SIPA1L1: variants seen among roughly 807,000 people sequenced by gnomAD.
SIPA1L1 encodes the protein signal induced proliferation associated 1 like 1.
In SIPA1L1, 26 loss-of-function variants were observed where a neutral mutation model predicts 162.7. The observed-to-expected ratio is 0.16, with a 90% CI of 0.12 to 0.22. The LOEUF (loss-of-function observed/expected upper bound fraction) is 0.22, where lower values mean the gene tolerates loss of function less well. SIPA1L1 is among the 10% of genes least tolerant of loss of function. SIPA1L1 has a pLI of 1.00. For missense variants in SIPA1L1, 1,874 were observed against 2,241.0 expected, an observed-to-expected ratio of 0.84 and a Z score of 3.31; for synonymous variants, 829 against 837.4, an observed-to-expected ratio of 0.99 and a Z score of 0.17.
At chr14:71,463,418 T>G (rs1483278662) in intron 2 of SIPA1L1, among the ~76,000 whole-genome samples, 1 of 152,174 alleles carries the variant, frequency 6.6e-6, no homozygotes, top group Non-Finnish European at 1.5e-5. Context: ...CTGACCTCCA[T>G]AAGACCCTAC....
intron 2 of SIPA1L1, among the ~76,000 whole-genome samples, chr14:71,436,202 T>C (rs1307097514): frequency 6.6e-6 from 1 of 152,228 alleles, no homozygotes; most frequent in Non-Finnish European, 1.5e-5. Context: ...TAGCACTTTG[T>C]GATAGGGGCT....
chr14:71,731,304 A>G (rs2084754182), intron 20 of SIPA1L1, among the ~76,000 whole-genome samples: 2 of 152,130 alleles, frequency 1.3e-5, no homozygotes, highest in Non-Finnish European at 2.9e-5. Context: ...GCTCGCCCCA[A>G]GGATCATGCC....
intron 4 of SIPA1L1, among the ~76,000 whole-genome samples, chr14:71,553,175 CA>C (rs1309328221): frequency 6.6e-6 from 1 of 152,172 alleles, no homozygotes; most frequent in Non-Finnish European, 1.5e-5. Context: ...AAATCTGGCT[CA>C]GCTTTTTTGG....
intron 4 of SIPA1L1, among the ~76,000 whole-genome samples, chr14:71,549,052 G>A (rs1384407085): frequency 6.6e-6 from 1 of 152,088 alleles, no homozygotes; most frequent in Non-Finnish European, 1.5e-5. Flanking sequence ...CCTTACATAT[G>A]ATAAAAATGC....
In SIPA1L1 at chr14:71,657,258, GA is replaced by G. The variant is rs1475393550; in HGVS notation, c.1994-1073del. On this transcript the variant is annotated intron_variant, in intron 8 of 23. Coordinates refer to ENST00000381232, the MANE Select transcript of SIPA1L1 (RefSeq NM_001386936.1). Reference sequence around the variant, plus strand: ...AGCTACTCAGGAGGCTGAGGCAGGAGAATCGCTTGAACCCAGGAGGCAGAGG... The same window carrying G: ...AGCTACTCAGGAGGCTGAGGCAGGAGATCGCTTGAACCCAGGAGGCAGAGG... 2.7e-5 allele frequency among the ~76,000 whole-genome samples: 4 copies of G among 148,500 alleles called. No homozygotes were observed. The South Asian group carries it at 8.5e-4, about 32-fold the overall frequency.
intron 2 of SIPA1L1, among the ~76,000 whole-genome samples, chr14:71,374,223 C>T (rs1232131070): frequency 3.9e-5 from 6 of 151,968 alleles, no homozygotes; most frequent in South Asian, 2.1e-4. Context: ...ATCAGGAAAC[C>T]GGAGATATTT....
intron 3 of SIPA1L1, among the ~76,000 whole-genome samples, chr14:71,518,005 C>T (rs913552266): frequency 3.9e-5 from 6 of 152,058 alleles, no homozygotes; most frequent in African/African-American, 9.7e-5. Context: ...AGTGGCTGGA[C>T]GGACACAGTG....
intron 12 of SIPA1L1, among the ~76,000 whole-genome samples, chr14:71,683,394 A>C (rs961188671): frequency 4.6e-5 from 7 of 152,212 alleles, no homozygotes; most frequent in African/African-American, 1.4e-4. Context: ...TGCTGAGGAG[A>C]AGCAAAGATA....
At chr14:71,731,528 A>G (rs2084782362) in intron 20 of SIPA1L1, among the ~76,000 whole-genome samples, 1 of 152,212 alleles carries the variant, frequency 6.6e-6, no homozygotes, top group Non-Finnish European at 1.5e-5. Flanking sequence ...CATCGGGGTC[A>G]GTCTTCCGTG....
At chr14:71,554,267 T>A (rs1176710058) in intron 4 of SIPA1L1, among the ~76,000 whole-genome samples, 1 of 152,200 alleles carries the variant, frequency 6.6e-6, no homozygotes, top group African/African-American at 2.4e-5. Flanking sequence ...AAGTTTAGAT[T>A]CCTCATTTCT....
rs534437911 is a variant in SIPA1L1 at position 71,523,678 on chromosome 14, A to G, written c.-361-5634A>G. 2.0e-5 allele frequency among the ~76,000 whole-genome samples: 3 copies of G among 152,308 alleles called. No homozygotes were observed. In the South Asian group the frequency reaches 6.2e-4, roughly 32 times the overall value. On this transcript the variant is annotated intron_variant, in intron 3 of 23. Transcript: ENST00000381232. Reference sequence around the variant, plus strand: ...AAATGGTGGTTTTTCTACTTCCATTATCCTTTTTGCATGTGTCCATTAAAA... The same window carrying G: ...AAATGGTGGTTTTTCTACTTCCATTGTCCTTTTTGCATGTGTCCATTAAAA...
intron 3 of SIPA1L1, among the ~76,000 whole-genome samples, chr14:71,514,927 ATGTT>A (rs1378440330): frequency 2.0e-5 from 3 of 152,168 alleles, no homozygotes; most frequent in Non-Finnish European, 2.9e-5. Flanking sequence ...ATCCAAATGA[ATGTT>A]TGTGCTTCGA....
At chr14:71,719,951 G>T (rs142648342) in intron 17 of SIPA1L1, among the ~76,000 whole-genome samples, 207 of 152,298 alleles carry the variant, frequency 1.4e-3, no homozygotes, top group Non-Finnish European at 2.4e-3. Context: ...CTTCAGCACT[G>T]TAAATATGTT....
At chr14:71,479,264 A>G (rs1359530841) in intron 2 of SIPA1L1, among the ~76,000 whole-genome samples, 1 of 152,152 alleles carries the variant, frequency 6.6e-6, no homozygotes, top group Non-Finnish European at 1.5e-5. Context: ...CAGTAGAGAA[A>G]TGAGATGGAG....
intron 4 of SIPA1L1, among the ~76,000 whole-genome samples, chr14:71,544,724 C>G (rs2055020644): frequency 6.6e-6 from 1 of 151,910 alleles, no homozygotes; most frequent in Non-Finnish European, 1.5e-5. Flanking sequence ...GTTCTTTTCC[C>G]ATTGAGCTGA....
At chr14:71,473,538 G>T (rs1327518045) in intron 2 of SIPA1L1, among the ~76,000 whole-genome samples, 6 of 152,188 alleles carry the variant, frequency 3.9e-5, no homozygotes, top group Non-Finnish European at 7.4e-5. Context: ...CTGTTCTTTG[G>T]TTTTTTCTTC....
chr14:71,486,966 A>T (rs763556082), intron 2 of SIPA1L1, among the ~76,000 whole-genome samples: 23 of 152,186 alleles, frequency 1.5e-4, no homozygotes, highest in Non-Finnish European at 3.1e-4. Context: ...GCCCTTCTTT[A>T]GATAGAACTC....
At chr14:71,491,813 C>CACACACACA (rs1555437273) in intron 2 of SIPA1L1, among the ~76,000 whole-genome samples, 34 of 147,804 alleles carry the variant, frequency 2.3e-4, no homozygotes, top group South Asian at 6.5e-4. Flanking sequence ...CACACACACA[C>CACACACACA]CCCTTCCCCC....
intron 19 of SIPA1L1, among the ~76,000 whole-genome samples, chr14:71,728,407 C>T (rs1052183296): frequency 2.0e-5 from 3 of 152,176 alleles, no homozygotes; most frequent in Non-Finnish European, 2.9e-5. Flanking sequence ...CAAGTACATA[C>T]GTACCTTGGA....
Sources: allele counts gnomAD v4.1 joint callset (sites outside exome capture counted in the v4.1 genomes callset), GRCh38; gene constraint gnomAD v4.1.1; transcripts MANE v1.5; gene names NCBI Gene and HGNC (gene_info 2026-07-23, HGNC 2026-07-21).